Variants in CSMD1 observed in about 807,000 individuals in gnomAD.
CSMD1 encodes the protein CUB and Sushi multiple domains 1.
Under a neutral mutation model 417.5 loss-of-function variants are expected in CSMD1, and 213 were observed. The ratio of observed to expected loss-of-function variants is 0.51; its 90% CI spans 0.46 to 0.57. The LOEUF is 0.57. Ranked by LOEUF, CSMD1 falls within the 20% of genes least tolerant of loss-of-function variation. The pLI is 0.00. For missense variants in CSMD1, 6,923 were observed against 4,529.7 expected (o/e 1.53, Z -15.17); for synonymous variants, 2,862 against 1,736.8 (o/e 1.65, Z -16.11).
intron 1 of CSMD1, among the ~76,000 whole-genome samples, chr8:4,731,021 C>T (rs1809820886): frequency 6.6e-6 from 1 of 152,026 alleles, no homozygotes; most frequent in Admixed American, 6.6e-5. Context: ...GTTCTAGGCC[C>T]AAGACGCTAA....
rs926686039 is a variant in CSMD1, at chr8:4,663,960, A to G, written c.86-26402T>C. On this transcript the variant is annotated intron_variant, in intron 1 of 69. Coordinates refer to ENST00000635120, the MANE Select transcript of CSMD1 (RefSeq NM_033225.6). ...GATGGAAATTGGAAAGCTAATCCAGATAAGACTGAGGAAGTGGCTCCTGTT... is the reference window on the plus strand; with the variant it reads ...GATGGAAATTGGAAAGCTAATCCAGGTAAGACTGAGGAAGTGGCTCCTGTT... 5.0e-4 allele frequency among the ~76,000 whole-genome samples: 76 copies of G among 152,202 alleles called. 1 individual carries two copies. Among genetic ancestry groups the G allele is most frequent in the Admixed American group, 4.7e-3 (72 of 15,268 alleles).
chr8:4,847,672 C>T (rs1420405054), intron 1 of CSMD1, among the ~76,000 whole-genome samples: 1 of 152,002 alleles, frequency 6.6e-6, no homozygotes. Context: ...TCCTTAAGCT[C>T]TTCAATGACT....
At chr8:4,863,478 T>C (rs552544465) in intron 1 of CSMD1, among the ~76,000 whole-genome samples, 2 of 152,230 alleles carry the variant, frequency 1.3e-5, no homozygotes, top group African/African-American at 4.8e-5. Flanking sequence ...TTTATACATA[T>C]TCTAGTAACA....
In CSMD1 at chr8:3,914,421, CA is replaced by C. The variant is rs970029715; in HGVS notation, c.818+83481del. Among the ~76,000 whole-genome samples, 37 of 152,236 alleles carry C rather than the reference CA, an allele frequency of 2.4e-4. 1 individual carries two copies. The highest frequency in any genetic ancestry group is 8.4e-4 in the African/African-American group (35 of 41,504). ...GATGTTTGGTGCAAGAAAGGAGAGACAACCATGTTCTAAATCTTCTATTTCT... is the reference window on the plus strand; with the variant it reads ...GATGTTTGGTGCAAGAAAGGAGAGACACCATGTTCTAAATCTTCTATTTCT... On this transcript the variant is annotated intron_variant, in intron 5 of 69. Coordinates refer to ENST00000635120, the MANE Select transcript of CSMD1 (RefSeq NM_033225.6).
chr8:4,189,125 C>T (rs1479867253), intron 3 of CSMD1, among the ~76,000 whole-genome samples: 2 of 152,220 alleles, frequency 1.3e-5, no homozygotes, highest in Non-Finnish European at 2.9e-5. Flanking sequence ...CAAACATGCC[C>T]TGTAAACCAA....
At chr8:4,618,994 G>C (rs1484044062) in intron 2 of CSMD1, among the ~76,000 whole-genome samples, 1 of 152,132 alleles carries the variant, frequency 6.6e-6, no homozygotes, top group South Asian at 2.1e-4. Flanking sequence ...ACCAGAAGGA[G>C]ATTAAAATAC....
intron 2 of CSMD1, among the ~76,000 whole-genome samples, chr8:4,526,628 G>C (rs375568016): frequency 6.6e-6 from 1 of 152,048 alleles, no homozygotes; most frequent in Non-Finnish European, 1.5e-5. Flanking sequence ...CATCACTCTT[G>C]GGAATTAACA....
chr8:3,315,530 G>A (rs146528109), intron 23 of CSMD1, among the ~76,000 whole-genome samples: 2 of 151,794 alleles, frequency 1.3e-5, no homozygotes, highest in Admixed American at 6.6e-5. Context: ...TTCAAATTGA[G>A]TCCTCTTGTT....
chr8:3,386,510 C>A (rs1221502136), intron 18 of CSMD1, among the ~76,000 whole-genome samples: 6 of 152,148 alleles, frequency 3.9e-5, no homozygotes, highest in Non-Finnish European at 8.8e-5. Flanking sequence ...TGACAAAGGT[C>A]AAAGATTTTG....
At chr8:3,134,738 T>C (rs1817984015) in intron 41 of CSMD1, among the ~76,000 whole-genome samples, 1 of 152,146 alleles carries the variant, frequency 6.6e-6, no homozygotes, top group East Asian at 1.9e-4. Context: ...ACTACTACTT[T>C]GGTGTCTAGC....
chr8:3,890,413 C>T (rs576096528), intron 5 of CSMD1, among the ~76,000 whole-genome samples: 4 of 151,814 alleles, frequency 2.6e-5, no homozygotes, highest in East Asian at 2.0e-4. Context: ...GGACATCAGA[C>T]GCCACCTGAA....
chr8:4,126,675 G>A (rs952562375), intron 3 of CSMD1, among the ~76,000 whole-genome samples: 9 of 152,106 alleles, frequency 5.9e-5, no homozygotes, highest in South Asian at 2.1e-4. Context: ...GATTCTGAGG[G>A]TTTATTAATC....
intron 5 of CSMD1, among the ~76,000 whole-genome samples, chr8:3,822,148 TCTC>T (rs1056757492): frequency 6.6e-6 from 1 of 152,118 alleles, no homozygotes; most frequent in Non-Finnish European, 1.5e-5. Flanking sequence ...AGACGGAACT[TCTC>T]CTTTCTGAGC....
chr8:4,427,470 A>G (rs1274155528), intron 2 of CSMD1, among the ~76,000 whole-genome samples: 1 of 141,554 alleles, frequency 7.1e-6, no homozygotes, highest in African/African-American at 2.7e-5. Flanking sequence ...GGCAAAGTTC[A>G]GAAGAGACTT....
intron 5 of CSMD1, among the ~76,000 whole-genome samples, chr8:3,946,878 G>T (rs765479965): frequency 1.6e-4 from 25 of 151,984 alleles, no homozygotes; most frequent in Non-Finnish European, 2.9e-4. Context: ...TGCTTGTATC[G>T]ATTTATATTG....
At chr8:4,862,463 G>A (rs753430987) in intron 1 of CSMD1, among the ~76,000 whole-genome samples, 1 of 152,084 alleles carries the variant, frequency 6.6e-6, no homozygotes, top group African/African-American at 2.4e-5. Flanking sequence ...TACATTAAAA[G>A]TAAAAAGAAT....
intron 3 of CSMD1, among the ~76,000 whole-genome samples, chr8:4,363,758 C>T (rs1007826385): frequency 6.6e-6 from 1 of 152,168 alleles, no homozygotes; most frequent in Admixed American, 6.5e-5. Context: ...TCTCATTTTT[C>T]ATGGCTGAAT....
intron 5 of CSMD1, among the ~76,000 whole-genome samples, chr8:3,984,503 G>T (rs1176684417): frequency 6.6e-6 from 1 of 151,672 alleles, no homozygotes; most frequent in African/African-American, 2.4e-5. Context: ...AGCTCATTTT[G>T]AATCCAGCAG....
intron 7 of CSMD1, among the ~76,000 whole-genome samples, chr8:3,676,885 C>A (rs980355463): frequency 6.6e-6 from 1 of 152,074 alleles, no homozygotes; most frequent in African/African-American, 2.4e-5. Context: ...CCATCATTCT[C>A]AGCAAATTAA....
Sources: gnomAD v4.1 joint callset for allele counts (sites outside exome capture counted in the v4.1 genomes callset) on GRCh38, gnomAD v4.1.1 for gene constraint, MANE v1.5 for transcripts, NCBI Gene and HGNC (gene_info 2026-07-23, HGNC 2026-07-21) for gene names.